Variants in CFAP77 observed in about 807,000 individuals in gnomAD.
CFAP77 encodes the protein cilia- and flagella-associated protein 77.
A neutral mutation model predicts 31.1 loss-of-function variants in CFAP77; 25 were observed. The observed-to-expected ratio is 0.80, with a 90% CI of 0.59 to 1.12. The LOEUF (loss-of-function observed/expected upper bound fraction) is 1.12, where lower values mean the gene tolerates loss of function less well. CFAP77 is among the 50% of genes most tolerant of loss of function. The pLI is 0.00. For missense variants in CFAP77, 377 were observed against 397.3 expected (o/e 0.95, Z 0.44); for synonymous variants, 151 against 159.9 (o/e 0.94, Z 0.42).
chr9:132,544,269 C>T (rs1285399332), intron 5 of CFAP77, among the ~76,000 whole-genome samples: 1 of 152,226 alleles, frequency 6.6e-6, no homozygotes, highest in African/African-American at 2.4e-5. Flanking sequence ...CAGCAGACGT[C>T]AAGGGAGGAA....
In CFAP77 at chr9:132,499,414, C is replaced by T; in HGVS notation, c.338C>T (p.Pro113Leu). The T allele has an allele frequency of 6.2e-7, 1 of 1,614,224 alleles. No individual in the cohort carries two copies. Among genetic ancestry groups the T allele is most frequent in the South Asian group, 1.1e-5 (1 of 91,082 alleles). ...GTGTTCAAGCAGCAGCCCACCTGCCCCCACGAGCTGACCCGGAATTATATC... is the reference window on the plus strand; with the variant it reads ...GTGTTCAAGCAGCAGCCCACCTGCCTCCACGAGCTGACCCGGAATTATATC... ...WNVFKQQPTC[P>L]HELTRNYIAM... The change falls in exon 3 of 6, where the codon CCC (proline) becomes CTC (leucine). Residue 113 changes from proline to leucine, a missense_variant. Pro to Leu is a moderately conservative substitution (Grantham distance 98). Coordinates refer to ENST00000393216, the MANE Select transcript of CFAP77 (RefSeq NM_001282957.2). This position sits in a 1 kb window ranked among gnomAD's most constrained non-coding sequence, Gnocchi z 5.4.
intron 5 of CFAP77, among the ~76,000 whole-genome samples, chr9:132,551,377 C>T (rs1852817489): frequency 1.3e-5 from 2 of 152,018 alleles, no homozygotes; most frequent in African/African-American, 4.8e-5. Context: ...TGGCTCACTG[C>T]ATCCACCTCC....
chr9:132,525,168 C>T (rs1292728599), intron 3 of CFAP77, among the ~76,000 whole-genome samples: 5 of 151,658 alleles, frequency 3.3e-5, no homozygotes, highest in South Asian at 2.1e-4. Flanking sequence ...TACAGGCATG[C>T]GCCACCACGC....
rs1196248363 is a variant in CFAP77 at position 132,485,725 on chromosome 9, G to A, written c.196-12970G>A. Among the ~76,000 whole-genome samples the A allele has an allele frequency of 4.6e-5, 7 of 151,878 alleles. No homozygotes were observed. The South Asian group carries it at 6.2e-4, about 14-fold the overall frequency. On this transcript the variant is annotated intron_variant, in intron 1 of 5. Transcript: ENST00000393216. ...CGACGCCAAGTGATTGCACTCCATC[G>A]CGGCGGTGAGCTTCATCCCTCCGTT...
At position 132,567,967 on chromosome 9, in the gene CFAP77, CA is replaced by C. The variant is rs543865965; in HGVS notation, c.733-4418del. On this transcript the variant is annotated intron_variant, in intron 5 of 5. Transcript: ENST00000393216. ...ATTATATCTGCAAAGACCCTGTTTC[CA>C]AATAAGGCCACATTCTCAAGTTCTG... is the stretch of plus-strand genomic sequence containing the variant. Among the ~76,000 whole-genome samples the C allele has an allele frequency of 1.8e-4, 27 of 152,260 alleles. No homozygotes were observed. The South Asian group carries it at 5.6e-3, about 32-fold the overall frequency.
intron 1 of CFAP77, among the ~76,000 whole-genome samples, chr9:132,440,063 G>A (rs1850589857): frequency 6.6e-6 from 1 of 152,080 alleles, no homozygotes; most frequent in Admixed American, 6.5e-5. Context: ...AGCCGCAGCA[G>A]CAGCAATAAC....
chr9:132,476,157 C>G (rs1162250695), intron 1 of CFAP77, among the ~76,000 whole-genome samples: 1 of 152,202 alleles, frequency 6.6e-6, no homozygotes, highest in Non-Finnish European at 1.5e-5. Flanking sequence ...GCCTGTAAGA[C>G]TTCCCTTGTG....
At chr9:132,410,539 C>A in intron 1 of CFAP77, 73 bp downstream of exon 1, 3 of 1,333,660 alleles carry the variant, frequency 2.2e-6, no homozygotes, top group South Asian at 1.5e-5. Context: ...GGTCCCCACC[C>A]GCAGCGCCCT....
At chr9:132,483,320 C>T (rs1190894326) in intron 1 of CFAP77, among the ~76,000 whole-genome samples, 4 of 151,658 alleles carry the variant, frequency 2.6e-5, no homozygotes, top group African/African-American at 9.7e-5. Context: ...CAAAAACTCA[C>T]CCTTCCAAAG....
chr9:132,485,869 A>C (rs907532748), intron 1 of CFAP77, among the ~76,000 whole-genome samples: 1 of 150,092 alleles, frequency 6.7e-6, no homozygotes, highest in Non-Finnish European at 1.5e-5. Context: ...TTATTTTCCC[A>C]TTTTACAGAC....
intron 1 of CFAP77, among the ~76,000 whole-genome samples, chr9:132,411,359 G>A (rs958923322): frequency 1.3e-5 from 2 of 152,238 alleles, no homozygotes; most frequent in African/African-American, 2.4e-5. Context: ...CAGGCGCTGA[G>A]TAGAGCCCAG....
chr9:132,460,570 T>C (rs1434324534), intron 1 of CFAP77, among the ~76,000 whole-genome samples: 1 of 151,978 alleles, frequency 6.6e-6, no homozygotes, highest in African/African-American at 2.4e-5. Flanking sequence ...GGCAAATCCA[T>C]AGAAAATGGA....
At chr9:132,568,556 CAAAA>C (rs34754814) in intron 5 of CFAP77, among the ~76,000 whole-genome samples, 36 of 90,034 alleles carry the variant, frequency 4.0e-4, no homozygotes, top group African/African-American at 1.2e-3. Context: ...AACTCCGCCT[CAAAA>C]AAAAAAAAAA....
chr9:132,448,631 G>C (rs941000123), intron 1 of CFAP77, among the ~76,000 whole-genome samples: 1 of 152,178 alleles, frequency 6.6e-6, no homozygotes, highest in African/African-American at 2.4e-5. Context: ...TTGTTGCCCA[G>C]GCTGGAGTGC....
chr9:132,486,955 C>CCGGGGAG (rs1419919240), intron 1 of CFAP77, among the ~76,000 whole-genome samples: 2 of 152,230 alleles, frequency 1.3e-5, no homozygotes, highest in African/African-American at 4.8e-5. Context: ...CCGGGCTGCC[C>CCGGGGAG]CGGGGAGCGG....
intron 1 of CFAP77, among the ~76,000 whole-genome samples, chr9:132,486,630 C>A (rs180855626): frequency 5.9e-5 from 9 of 152,360 alleles, no homozygotes; most frequent in African/African-American, 2.2e-4. Flanking sequence ...CAAAACGCTG[C>A]GCGTTTCCCC....
rs934150653 is a variant in CFAP77, at chr9:132,490,019, C to T, written c.196-8676C>T. ...GGCTGGGAGTTCCAGATCAATGCGCCGGTGGTTTCTGTGTCTGGTGAGAGC... is the reference window on the plus strand; with the variant it reads ...GGCTGGGAGTTCCAGATCAATGCGCTGGTGGTTTCTGTGTCTGGTGAGAGC... On this transcript the variant is annotated intron_variant, in intron 1 of 5. Transcript: ENST00000393216. This position sits in a 1 kb window ranked among gnomAD's most constrained non-coding sequence, Gnocchi z 4.6. Among the ~76,000 whole-genome samples the T allele has an allele frequency of 1.3e-5, 2 of 152,122 alleles. No individual in the cohort carries two copies. Among genetic ancestry groups the T allele is most frequent in the Middle Eastern group, 3.2e-3 (1 of 316 alleles).
Position 132,490,875 on chromosome 9 carries a change from A to G in CFAP77, c.196-7820A>G, listed in dbSNP as rs1022368597. Reference sequence around the variant, plus strand: ...ATGTCCGGCCGGGGCCACTGTCTGCATGGCGTCTGCGTGTTCTCCCCGTGT... The same window carrying G: ...ATGTCCGGCCGGGGCCACTGTCTGCGTGGCGTCTGCGTGTTCTCCCCGTGT... On this transcript the variant is annotated intron_variant, in intron 1 of 5. Transcript: ENST00000393216. The surrounding 1 kb of genome is among the most constrained non-coding windows in gnomAD (Gnocchi z 4.6). 6.6e-6 allele frequency among the ~76,000 whole-genome samples: 1 copy of G among 152,184 alleles called. No homozygotes were observed. Among genetic ancestry groups the G allele is most frequent in the Non-Finnish European group, 1.5e-5 (1 of 68,046 alleles).
chr9:132,547,910 C>A (rs149869423), intron 5 of CFAP77, among the ~76,000 whole-genome samples: 4,292 of 152,248 alleles, frequency 0.028, 123 homozygotes, highest in African/African-American at 0.069. Flanking sequence ...TCCCTGGGGC[C>A]CTGGCTAACA....
Sources: gnomAD v4.1 joint callset for allele counts (sites outside exome capture counted in the v4.1 genomes callset) on GRCh38, gnomAD v4.1.1 for gene constraint, Gnocchi (gnomAD v3.1) non-coding constraint, MANE v1.5 for transcripts, NCBI Gene and HGNC (gene_info 2026-07-23, HGNC 2026-07-21) for gene names.